MYO5A: variants seen among roughly 807,000 people sequenced by gnomAD.
MYO5A encodes the protein myosin VA, also known as unconventional myosin-Va.
A neutral mutation model predicts 249.7 loss-of-function variants in MYO5A; 98 were observed. That is an observed-to-expected ratio of 0.39 (90% confidence interval 0.33 to 0.46). MYO5A has a LOEUF of 0.46. MYO5A is among the 20% of genes least tolerant of loss of function. The pLI is 0.98. For synonymous variants in MYO5A, 778 were observed against 810.6 expected (o/e 0.96, Z 0.68); for missense variants, 1,696 against 2,308.8 (o/e 0.73, Z 5.44).
At chr15:52,422,889 G>T (rs1014675428) in intron 4 of MYO5A, among the ~76,000 whole-genome samples, 5 of 151,958 alleles carry the variant, frequency 3.3e-5, no homozygotes, top group African/African-American at 9.7e-5. Flanking sequence ...GCTAGTTTTT[G>T]TATTTTGTTT....
intron 26 of MYO5A, 101 bp downstream of exon 26, chr15:52,353,770 G>C: frequency 6.2e-7 from 1 of 1,601,234 alleles, no homozygotes; most frequent in South Asian, 1.1e-5. Flanking sequence ...CTTTAACCAA[G>C]TGGTGCTTGG....
At chr15:52,389,912 C>CCATT (rs1343461825) in intron 12 of MYO5A, among the ~76,000 whole-genome samples, 1 of 152,086 alleles carries the variant, frequency 6.6e-6, no homozygotes, top group East Asian at 1.9e-4. Context: ...AGAGGTCACA[C>CCATT]CATTACACTC....
At chr15:52,362,416 T>G (rs2040579463) in intron 24 of MYO5A, among the ~76,000 whole-genome samples, 1 of 152,240 alleles carries the variant, frequency 6.6e-6, no homozygotes, top group South Asian at 2.1e-4. Flanking sequence ...TAAGATATTG[T>G]CACTAATATT....
chr15:52,336,062 G>C (rs1010348482), intron 34 of MYO5A, among the ~76,000 whole-genome samples: 11 of 152,122 alleles, frequency 7.2e-5, no homozygotes, highest in African/African-American at 2.7e-4. Context: ...TAATTTAACA[G>C]ATGGGAAAGC....
At chr15:52,358,463 C>T (rs149839470) in intron 25 of MYO5A, among the ~76,000 whole-genome samples, 4 of 152,294 alleles carry the variant, frequency 2.6e-5, no homozygotes, top group Admixed American at 2.0e-4. Context: ...TCTCAACATA[C>T]AAGTATTTCC....
intron 23 of MYO5A, among the ~76,000 whole-genome samples, chr15:52,365,828 C>A (rs957524583): frequency 3.4e-4 from 52 of 152,238 alleles, no homozygotes; most frequent in African/African-American, 1.3e-3. Context: ...ACTGTCATTT[C>A]TTTGTTCTTA....
intron 18 of MYO5A, among the ~76,000 whole-genome samples, chr15:52,377,360 T>G (rs1159429228): frequency 6.6e-6 from 1 of 151,496 alleles, no homozygotes; most frequent in African/African-American, 2.4e-5. Flanking sequence ...AGGTGGAGGT[T>G]GCAGTGAGCC....
At chr15:52,440,999 A>T (rs939435918) in intron 1 of MYO5A, among the ~76,000 whole-genome samples, 11 of 152,212 alleles carry the variant, frequency 7.2e-5, no homozygotes, top group Non-Finnish European at 1.6e-4. Flanking sequence ...AGCATATTAC[A>T]AAAACTAAGT....
intron 8 of MYO5A, 144 bp from the exon 9 acceptor site, chr15:52,405,537 T>A: frequency 2.8e-6 from 2 of 711,152 alleles, no homozygotes; most frequent in Admixed American, 4.1e-5. Context: ...AACAACACTT[T>A]CATCTTTGTT....
At chr15:52,466,751 C>A (rs2076361912) in intron 1 of MYO5A, among the ~76,000 whole-genome samples, 1 of 152,166 alleles carries the variant, frequency 6.6e-6, no homozygotes, top group African/African-American at 2.4e-5. Flanking sequence ...CAGCTTTGCC[C>A]CCCACTCCAA....
intron 9 of MYO5A, among the ~76,000 whole-genome samples, chr15:52,398,581 T>G (rs1430441871): frequency 6.6e-6 from 1 of 152,204 alleles, no homozygotes; most frequent in African/African-American, 2.4e-5. Flanking sequence ...CTTCCTTCTT[T>G]CATCCCCCTT....
chr15:52,491,063 A>G (rs1258541431), intron 1 of MYO5A, among the ~76,000 whole-genome samples: 2 of 152,296 alleles, frequency 1.3e-5, no homozygotes, highest in Non-Finnish European at 2.9e-5. Flanking sequence ...ACTGACCTGT[A>G]CACTTACACA....
intron 9 of MYO5A, among the ~76,000 whole-genome samples, chr15:52,399,717 A>G (rs952582743): frequency 3.9e-5 from 6 of 152,122 alleles, no homozygotes; most frequent in Non-Finnish European, 8.8e-5. Context: ...ACATGTACAC[A>G]ATAAAGGAAT....
At chr15:52,440,735 G>T (rs892737144) in intron 1 of MYO5A, among the ~76,000 whole-genome samples, 1 of 152,122 alleles carries the variant, frequency 6.6e-6, no homozygotes, top group Non-Finnish European at 1.5e-5. Context: ...AGACACTTTT[G>T]GGAACAAAAC....
chr15:52,438,922 C>T (rs1400842654), intron 1 of MYO5A, among the ~76,000 whole-genome samples: 1 of 152,248 alleles, frequency 6.6e-6, no homozygotes, highest in African/African-American at 2.4e-5. Flanking sequence ...GTGGATCCAG[C>T]AGGGTGTCTG....
At chr15:52,433,443 A>T (rs2141308286) in intron 1 of MYO5A, among the ~76,000 whole-genome samples, 158 bp from the exon 2 acceptor site, 1 of 129,706 alleles carries the variant, frequency 7.7e-6, no homozygotes, top group South Asian at 2.5e-4. Flanking sequence ...TTTTTGAGAC[A>T]GAGTTAAGCT....
chr15:52,346,109 G>A (rs748315709), intron 30 of MYO5A, among the ~76,000 whole-genome samples: 11 of 152,134 alleles, frequency 7.2e-5, no homozygotes, highest in Admixed American at 1.3e-4. Flanking sequence ...TTAAAGCTAA[G>A]ACATTAAATA....
intron 1 of MYO5A, among the ~76,000 whole-genome samples, chr15:52,489,336 G>A (rs1230426795): frequency 2.0e-5 from 3 of 151,274 alleles, no homozygotes; most frequent in Admixed American, 6.6e-5. Context: ...AGGCCGGGGC[G>A]GGCGGATCAC....
chr15:52,527,679 G>C (rs2077751898), intron 1 of MYO5A, among the ~76,000 whole-genome samples: 2 of 152,170 alleles, frequency 1.3e-5, no homozygotes, highest in South Asian at 4.1e-4. Flanking sequence ...ACTTGTCCAA[G>C]GTCACAGTTA....
Sources: gnomAD v4.1 joint callset for allele counts (sites outside exome capture counted in the v4.1 genomes callset) on GRCh38, gnomAD v4.1.1 for gene constraint, MANE v1.5 for transcripts, NCBI Gene and HGNC (gene_info 2026-07-23, HGNC 2026-07-21) for gene names.